CCDC102B: variants seen among roughly 807,000 people sequenced by gnomAD.
CCDC102B encodes the protein coiled-coil domain-containing protein 102B.
In CCDC102B, 75 loss-of-function variants were observed where a neutral mutation model predicts 57.4. The ratio of observed to expected loss-of-function variants is 1.31; its 90% CI spans 1.08 to 1.58. CCDC102B has a LOEUF of 1.58. CCDC102B is among the 40% of genes most tolerant of loss of function. The pLI, the probability that CCDC102B is intolerant of heterozygous loss-of-function variation, is 0.00. For missense variants in CCDC102B, 636 were observed against 582.6 expected, an observed-to-expected ratio of 1.09 and a Z score of -0.94; for synonymous variants, 206 against 201.9, an observed-to-expected ratio of 1.02 and a Z score of -0.17.
chr18:68,861,863 G>A (rs1429702250), intron 4 of CCDC102B, among the ~76,000 whole-genome samples: 5 of 152,094 alleles, frequency 3.3e-5, no homozygotes, highest in African/African-American at 1.2e-4. Context: ...TTATCTGAAG[G>A]TGTTAGAAAT....
At chr18:68,743,411 A>G (rs560459139) in intron 2 of CCDC102B, among the ~76,000 whole-genome samples, 11 of 152,196 alleles carry the variant, frequency 7.2e-5, no homozygotes, top group African/African-American at 2.6e-4. Flanking sequence ...CTCCATCTCA[A>G]AAACCAACCA....
At chr18:68,813,934 T>G (rs1049453662) in intron 1 of CCDC102B, among the ~76,000 whole-genome samples, 2 of 151,946 alleles carry the variant, frequency 1.3e-5, no homozygotes, top group Non-Finnish European at 2.9e-5. Context: ...TTTTTATAAG[T>G]TAAAATGAGC....
At chr18:68,794,458 C>T (rs913133743), upstream of CCDC102B, among the ~76,000 whole-genome samples, 1 of 151,798 alleles carries the variant, frequency 6.6e-6, no homozygotes, top group Non-Finnish European at 1.5e-5. Flanking sequence ...CACATTGTTG[C>T]TCCAAACAAA....
At chr18:68,944,813 A>G (rs1266806707) in intron 6 of CCDC102B, among the ~76,000 whole-genome samples, 1 of 152,102 alleles carries the variant, frequency 6.6e-6, no homozygotes, top group Non-Finnish European at 1.5e-5. Context: ...TAACAACCAT[A>G]TATGACTGTA....
At chr18:68,794,254 G>A (rs1025536188), upstream of CCDC102B, among the ~76,000 whole-genome samples, 2 of 152,034 alleles carry the variant, frequency 1.3e-5, no homozygotes, top group African/African-American at 4.8e-5. Context: ...TTTAAGAATA[G>A]CTTCCCCATC....
intron 4 of CCDC102B, among the ~76,000 whole-genome samples, chr18:68,872,797 T>C (rs2039290593): frequency 1.3e-5 from 2 of 152,234 alleles, no homozygotes; most frequent in Admixed American, 6.5e-5. Flanking sequence ...GCCACTCTTA[T>C]GTTCTTCACA....
chr18:68,821,905 C>T (rs2036706651), intron 1 of CCDC102B, among the ~76,000 whole-genome samples: 1 of 151,804 alleles, frequency 6.6e-6, no homozygotes. Flanking sequence ...AGGAAAGAGC[C>T]AAGAGTTTCA....
intron 6 of CCDC102B, among the ~76,000 whole-genome samples, chr18:68,928,185 T>G (rs909260721): frequency 6.6e-6 from 1 of 151,902 alleles, no homozygotes; most frequent in African/African-American, 2.4e-5. Flanking sequence ...CACTAAGAAC[T>G]CAACACATTT....
At position 68,805,770 on chromosome 18, in the gene CCDC102B, ATGT is replaced by A. The variant is rs554313156; in HGVS notation, c.-16+7593_-16+7595del. The stretch of plus-strand genomic sequence containing the variant: ...AATTAATAGGAACTGAGAGGTGAGG[ATGT>A]TGTAACGACACTATATATGAAATAC... On this transcript the variant is annotated intron_variant, in intron 1 of 7. Coordinates refer to ENST00000360242, the MANE Select transcript of CCDC102B (RefSeq NM_024781.3). Among the ~76,000 whole-genome samples, 8 of 152,248 alleles carry A rather than the reference ATGT, an allele frequency of 5.3e-5. No individual in the cohort carries two copies. In the South Asian group the frequency reaches 1.7e-3, roughly 32 times the overall value.
intron 2 of CCDC102B, among the ~76,000 whole-genome samples, chr18:68,736,089 C>G (rs955369011): frequency 6.6e-6 from 1 of 152,100 alleles, no homozygotes; most frequent in African/African-American, 2.4e-5. Flanking sequence ...AATACTTTGT[C>G]ACTGTATAAT....
chr18:68,844,609 T>C (rs544408265), intron 3 of CCDC102B, among the ~76,000 whole-genome samples: 2 of 152,032 alleles, frequency 1.3e-5, no homozygotes, highest in Non-Finnish European at 2.9e-5. Context: ...TTTTAAATAT[T>C]CTATTTTATC....
intron 3 of CCDC102B, among the ~76,000 whole-genome samples, chr18:68,842,476 A>T (rs1420231122): frequency 6.6e-6 from 1 of 152,194 alleles, no homozygotes; most frequent in African/African-American, 2.4e-5. Flanking sequence ...TAAAAATGCC[A>T]GTAAGTCTCT....
At chr18:68,951,985 A>C (rs1422140869) in intron 6 of CCDC102B, among the ~76,000 whole-genome samples, 2 of 152,084 alleles carry the variant, frequency 1.3e-5, no homozygotes, top group Non-Finnish European at 2.9e-5. Context: ...ACATATTTAA[A>C]CTTTAAAAAT....
chr18:68,992,279 A>G (rs938357945), intron 6 of CCDC102B, among the ~76,000 whole-genome samples: 11 of 152,112 alleles, frequency 7.2e-5, no homozygotes, highest in Non-Finnish European at 1.5e-4. Context: ...TACAGGTGAT[A>G]AGTGGTTATC....
chr18:68,876,313 G>C (rs1453919160), intron 5 of CCDC102B, among the ~76,000 whole-genome samples: 1 of 152,134 alleles, frequency 6.6e-6, no homozygotes, highest in African/African-American at 2.4e-5. Flanking sequence ...TCAGTGAGGG[G>C]TACAGTATTC....
intron 4 of CCDC102B, among the ~76,000 whole-genome samples, chr18:68,856,847 TAAAG>T (rs139950503): frequency 0.019 from 2,922 of 150,838 alleles, 39 homozygotes; most frequent in Non-Finnish European, 0.029. Flanking sequence ...TGGATGAAAA[TAAAG>T]AACTTTATAT....
intron 2 of CCDC102B, among the ~76,000 whole-genome samples, chr18:68,739,086 C>A (rs139626597): frequency 2.6e-5 from 4 of 151,782 alleles, no homozygotes; most frequent in African/African-American, 9.7e-5. Flanking sequence ...CCTCCACCTC[C>A]CAGGATCAAG....
Position 68,733,507 on chromosome 18 carries a change from T to TATATATATATATATATATA in CCDC102B, c.-67+16913_-67+16914insATATATATATATATATATA, listed in dbSNP as rs1491296876. ...ATATATATATATATATATATATATA[T>TATATATATATATATATATA]TTTTTTAACTTAAGCATGCTTTAAG... On this transcript the variant is annotated intron_variant, in intron 2 of 3. Coordinates refer to the CCDC102B transcript ENST00000578970. Among the ~76,000 whole-genome samples, 94 of 76,030 alleles carry TATATATATATATATATATA rather than the reference T, an allele frequency of 1.2e-3. 1 individual carries two copies. The highest frequency in any genetic ancestry group is 2.2e-3 in the African/African-American group (37 of 16,986). 49.9% of individuals were successfully genotyped at this position (76,030 alleles called of 152,430 possible). A position where few individuals can be genotyped will look rare whatever the true frequency, so the allele number is the denominator to read the frequency against.
chr18:68,782,454 A>G (rs918064472), intron 2 of CCDC102B, among the ~76,000 whole-genome samples: 1 of 152,178 alleles, frequency 6.6e-6, no homozygotes, highest in Non-Finnish European at 1.5e-5. Context: ...GTCTGTGTAT[A>G]GGAAAGTATG....
Sources: gnomAD v4.1 joint callset for allele counts (sites outside exome capture counted in the v4.1 genomes callset) on GRCh38, gnomAD v4.1.1 for gene constraint, MANE v1.5 for transcripts, NCBI Gene and HGNC (gene_info 2026-07-23, HGNC 2026-07-21) for gene names.